Variants in OSBPL1A observed in about 807,000 individuals in gnomAD.
OSBPL1A encodes oxysterol binding protein like 1A, also known as oxysterol-binding protein-related protein 1.
OSBPL1A carries 80 observed loss-of-function variants against 137.1 expected under a neutral mutation model. The observed-to-expected ratio is 0.58, with a 90% CI of 0.49 to 0.70. The LOEUF (loss-of-function observed/expected upper bound fraction) is 0.70. Ranked by LOEUF, OSBPL1A falls within the 30% of genes least tolerant of loss-of-function variation. The probability of loss-of-function intolerance (pLI) is 0.00; values close to 1 mark genes in which losing one functional copy is unlikely to be tolerated. For missense variants in OSBPL1A, 970 were observed against 1,129.4 expected (o/e 0.86, Z 2.02); for synonymous variants, 365 against 389.7 (o/e 0.94, Z 0.75).
At chr18:24,264,677 C>A (rs1485109433) in intron 15 of OSBPL1A, among the ~76,000 whole-genome samples, 1 of 152,200 alleles carries the variant, frequency 6.6e-6, no homozygotes, top group Non-Finnish European at 1.5e-5. Flanking sequence ...TACCCTTGGC[C>A]ATCTGCTTAT....
intron 18 of OSBPL1A, among the ~76,000 whole-genome samples, chr18:24,193,825 C>G (rs1452885336): frequency 3.3e-5 from 5 of 152,210 alleles, no homozygotes; most frequent in Non-Finnish European, 5.9e-5. Flanking sequence ...CCCTTTCAAC[C>G]CAAACAGCTC....
intron 18 of OSBPL1A, 115 bp from the exon 19 acceptor site, chr18:24,181,394 A>C: frequency 8.9e-7 from 1 of 1,127,426 alleles, no homozygotes; most frequent in Non-Finnish European, 1.2e-6. Context: ...GCAACCCATG[A>C]AATTTCATCA....
chr18:24,313,766 A>G (rs1260201616), intron 12 of OSBPL1A, among the ~76,000 whole-genome samples: 1 of 152,212 alleles, frequency 6.6e-6, no homozygotes, highest in Non-Finnish European at 1.5e-5. Flanking sequence ...ACATGTTGAT[A>G]AAGAACTAAT....
intron 5 of OSBPL1A, among the ~76,000 whole-genome samples, chr18:24,334,632 A>C (rs1212762257): frequency 6.6e-6 from 1 of 152,216 alleles, no homozygotes; most frequent in Admixed American, 6.6e-5. Context: ...TGCCTTGGAA[A>C]GGTAGGTAAG....
intron 18 of OSBPL1A, among the ~76,000 whole-genome samples, chr18:24,192,375 A>C (rs1350643247): frequency 6.6e-6 from 1 of 152,190 alleles, no homozygotes; most frequent in Non-Finnish European, 1.5e-5. Flanking sequence ...GAAAGAAATA[A>C]GCAAAGGCTT....
intron 7 of OSBPL1A, 76 bp downstream of exon 7, chr18:24,332,866 A>C: frequency 6.5e-7 from 1 of 1,549,432 alleles, no homozygotes; most frequent in Non-Finnish European, 8.8e-7. Context: ...ATACTGAAAC[A>C]AAACAATTTT....
chr18:24,170,704 AG>A (rs1254806046), intron 23 of OSBPL1A: 9 of 423,242 alleles, frequency 2.1e-5, no homozygotes, highest in Non-Finnish European at 3.4e-5. Context: ...TGGAGTACAG[AG>A]GTATAATCAT....
chr18:24,292,011 G>A (rs564515722), intron 14 of OSBPL1A, among the ~76,000 whole-genome samples: 1 of 152,268 alleles, frequency 6.6e-6, no homozygotes, highest in South Asian at 2.1e-4. Flanking sequence ...CTTGAACCTG[G>A]GAGGCAGAGG....
chr18:24,372,122 A>C (rs1250453470), intron 2 of OSBPL1A, among the ~76,000 whole-genome samples: 2 of 151,730 alleles, frequency 1.3e-5, no homozygotes, highest in Non-Finnish European at 2.9e-5. Flanking sequence ...AAAAAATACA[A>C]AAATCAGCCA....
At chr18:24,294,026 A>T (rs1164488598) in intron 14 of OSBPL1A, among the ~76,000 whole-genome samples, 1 of 152,168 alleles carries the variant, frequency 6.6e-6, no homozygotes, top group Non-Finnish European at 1.5e-5. Flanking sequence ...AAGTAGGCTA[A>T]ATAGAAGTGC....
chr18:24,352,107 A>G (rs1347381990), intron 4 of OSBPL1A, among the ~76,000 whole-genome samples: 1 of 152,072 alleles, frequency 6.6e-6, no homozygotes, highest in Admixed American at 6.6e-5. Flanking sequence ...GGAGTTCAAG[A>G]CCAGCCTGGG....
chr18:24,210,865 T>C lies in OSBPL1A; in HGVS notation c.1601+14177A>G, dbSNP rs2087517737. Among the ~76,000 whole-genome samples, 3 of 152,180 alleles carry C rather than the reference T, an allele frequency of 2.0e-5. No individual in the cohort carries two copies. The South Asian group carries it at 6.2e-4, about 32-fold the overall frequency. ...TTTCTTTTAATGTGGATTTTATCTATTGCTATTTATCAAATTTTTAAAAAG... is the reference window on the plus strand; with the variant it reads ...TTTCTTTTAATGTGGATTTTATCTACTGCTATTTATCAAATTTTTAAAAAG... On this transcript the variant is annotated intron_variant, in intron 17 of 27. Transcript: ENST00000319481.
chr18:24,274,752 C>CA (rs1189163045), intron 15 of OSBPL1A, among the ~76,000 whole-genome samples: 1 of 151,752 alleles, frequency 6.6e-6, no homozygotes, highest in Non-Finnish European at 1.5e-5. Context: ...TACTAAAATA[C>CA]AAAAAAATTA....
chr18:24,378,561 T>C (rs774730844), intron 1 of OSBPL1A, among the ~76,000 whole-genome samples: 3 of 152,220 alleles, frequency 2.0e-5, no homozygotes, highest in Admixed American at 6.5e-5. Context: ...AAACCATGCT[T>C]ATAAAGATTA....
chr18:24,203,431 T>A (rs1204669919), intron 17 of OSBPL1A, among the ~76,000 whole-genome samples: 1 of 152,204 alleles, frequency 6.6e-6, no homozygotes, highest in Admixed American at 6.5e-5. Flanking sequence ...ATGTGCATTT[T>A]TTAAATTGAA....
chr18:24,321,350 G>GT (rs2090852483), intron 7 of OSBPL1A, among the ~76,000 whole-genome samples: 1 of 152,138 alleles, frequency 6.6e-6, no homozygotes. Flanking sequence ...CAACTTAATG[G>GT]TTTTTCAACT....
chr18:24,354,748 CAAAAAAAAAAAA>C (rs59694707), intron 4 of OSBPL1A, among the ~76,000 whole-genome samples: 14 of 77,090 alleles, frequency 1.8e-4, no homozygotes, highest in African/African-American at 4.5e-4. Flanking sequence ...CTCAATATAG[CAAAAAAAAAAAA>C]AAAAAAAAAA....
chr18:24,285,982 C>T lies in OSBPL1A; in HGVS notation c.1175-5034G>A, dbSNP rs556526494. The stretch of plus-strand genomic sequence containing the variant: ...GACCAGCCTGGCTAACATGGTGAAA[C>T]CCCATCTCCACTACAAATACAAAAA... On this transcript the variant is annotated intron_variant, in intron 14 of 27. Transcript: ENST00000319481. 4.6e-5 allele frequency among the ~76,000 whole-genome samples: 7 copies of T among 152,226 alleles called. No individual in the cohort carries two copies. In the South Asian group the frequency reaches 1.5e-3, roughly 32 times the overall value.
intron 1 of OSBPL1A, among the ~76,000 whole-genome samples, chr18:24,395,873 C>T (rs1295491489): frequency 6.6e-6 from 1 of 150,952 alleles, no homozygotes; most frequent in East Asian, 2.0e-4. Flanking sequence ...CCGCCCGCCT[C>T]GGCCTCCCAA....
Sources: allele counts gnomAD v4.1 joint callset (sites outside exome capture counted in the v4.1 genomes callset), GRCh38; gene constraint gnomAD v4.1.1; transcripts MANE v1.5; gene names NCBI Gene and HGNC (gene_info 2026-07-23, HGNC 2026-07-21).